Variants in RPS6KC1 observed in about 807,000 individuals in gnomAD.
RPS6KC1 encodes the protein ribosomal protein S6 kinase C1.
RPS6KC1 carries 54 observed loss-of-function variants against 103.8 expected under a neutral mutation model. That is an observed-to-expected ratio of 0.52 (90% CI 0.42 to 0.65). The LOEUF is 0.65. Ranked by LOEUF, RPS6KC1 falls within the 30% of genes least tolerant of loss-of-function variation. The pLI, the probability that RPS6KC1 is intolerant of heterozygous loss-of-function variation, is 0.00. For synonymous variants in RPS6KC1, 439 were observed against 438.7 expected (o/e 1.00, Z -0.01); for missense variants, 1,151 against 1,253.8 (o/e 0.92, Z 1.24).
the RPS6KC1 span, among the ~76,000 whole-genome samples, chr1:213,746,801 T>C: frequency 6.6e-6 from 1 of 151,940 alleles, no homozygotes; most frequent in Admixed American, 6.6e-5. Flanking sequence ...TTGTGATGGG[T>C]TGGTAGTAGG....
At chr1:213,095,781 C>T (rs575399593) in intron 3 of RPS6KC1, among the ~76,000 whole-genome samples, 15 of 152,262 alleles carry the variant, frequency 9.9e-5, no homozygotes, top group East Asian at 5.8e-4. Context: ...TAAAAAAGTA[C>T]GTACCTTAAT....
the RPS6KC1 span, among the ~76,000 whole-genome samples, chr1:213,430,886 A>G: frequency 1.1e-4 from 17 of 152,378 alleles, no homozygotes; most frequent in Middle Eastern, 3.4e-3. Context: ...ATAAGGGATA[A>G]TATTTCAAGA....
the RPS6KC1 span, among the ~76,000 whole-genome samples, chr1:213,490,848 G>A: frequency 1.3e-5 from 2 of 152,144 alleles, no homozygotes; most frequent in East Asian, 1.9e-4. Context: ...GGGGAAGTTC[G>A]CAGAATGGTT....
At chr1:213,148,466 T>A (rs1033145514) in intron 6 of RPS6KC1, among the ~76,000 whole-genome samples, 3 of 152,222 alleles carry the variant, frequency 2.0e-5, no homozygotes, top group Non-Finnish European at 2.9e-5. Context: ...TCTGTTGATA[T>A]GAGGTTTCAC....
At chr1:213,304,205 CAAAA>C in the RPS6KC1 span, among the ~76,000 whole-genome samples, 1 of 70,532 alleles carries the variant, frequency 1.4e-5, no homozygotes. Context: ...GACTCCATCT[CAAAA>C]AAAAAAAAAA....
the RPS6KC1 span, among the ~76,000 whole-genome samples, chr1:213,324,404 C>T: frequency 8.9e-3 from 1,354 of 152,058 alleles, 36 homozygotes; most frequent in Non-Finnish European, 7.2e-3. Context: ...ATTTAAACAT[C>T]CAAGATATAA....
At chr1:213,379,259 C>A in the RPS6KC1 span, among the ~76,000 whole-genome samples, 1 of 152,174 alleles carries the variant, frequency 6.6e-6, no homozygotes, top group African/African-American at 2.4e-5. Flanking sequence ...TTTAATGTGA[C>A]CTTATTTGGA....
the RPS6KC1 span, among the ~76,000 whole-genome samples, chr1:213,334,756 G>A: frequency 6.6e-6 from 1 of 152,198 alleles, no homozygotes; most frequent in Non-Finnish European, 1.5e-5. Context: ...ATATATGGGA[G>A]ATGTATATCT....
the RPS6KC1 span, among the ~76,000 whole-genome samples, chr1:213,422,619 GGAATGA>G: frequency 6.6e-6 from 1 of 152,262 alleles, no homozygotes; most frequent in Non-Finnish European, 1.5e-5. Context: ...AATACATTAA[GGAATGA>G]GTGATTGAGT....
intron 2 of RPS6KC1, among the ~76,000 whole-genome samples, chr1:213,074,873 T>TTTA (rs869212390): frequency 1.4e-5 from 2 of 139,906 alleles, no homozygotes; most frequent in African/African-American, 2.8e-5. Flanking sequence ...TTTTTTTTTT[T>TTTA]ACGGAGTCTC....
the RPS6KC1 span, among the ~76,000 whole-genome samples, chr1:213,438,797 T>TTC: frequency 6.8e-6 from 1 of 147,490 alleles, no homozygotes; most frequent in East Asian, 2.0e-4. Context: ...GGTTTCTTTT[T>TTC]TTTTTTTTTT....
chr1:213,068,141 A>T (rs996776941), intron 1 of RPS6KC1, among the ~76,000 whole-genome samples: 9 of 152,082 alleles, frequency 5.9e-5, no homozygotes, highest in Admixed American at 5.9e-4. Context: ...TGGGGGGTGG[A>T]TTATTAGTGG....
chr1:213,631,378 C>CAAAAA, the RPS6KC1 span, among the ~76,000 whole-genome samples: 2,218 of 136,986 alleles, frequency 0.016, 39 homozygotes, highest in East Asian at 0.024. Flanking sequence ...CTTTCTATGC[C>CAAAAA]AAAAAAAAAA....
chr1:213,328,503 A>AATAT, the RPS6KC1 span, among the ~76,000 whole-genome samples: 830 of 31,694 alleles, frequency 0.026, 14 homozygotes, highest in African/African-American at 0.049. Flanking sequence ...CAGCCATTAT[A>AATAT]CTATATATAT....
At chr1:213,550,559 A>G in the RPS6KC1 span, among the ~76,000 whole-genome samples, 1 of 152,222 alleles carries the variant, frequency 6.6e-6, no homozygotes, top group South Asian at 2.1e-4. Context: ...ATAAGCAATT[A>G]TCTTACCCAA....
At chr1:213,856,616 G>A in the RPS6KC1 span, among the ~76,000 whole-genome samples, 277 of 151,676 alleles carry the variant, frequency 1.8e-3, 1 homozygote, top group African/African-American at 6.5e-3. Flanking sequence ...TATAAACTAC[G>A]TTTTTTGCAT....
the RPS6KC1 span, among the ~76,000 whole-genome samples, chr1:213,321,538 G>A: frequency 6.6e-6 from 1 of 152,186 alleles, no homozygotes; most frequent in Non-Finnish European, 1.5e-5. Flanking sequence ...TGCTCCTGTA[G>A]GGAAAGGCTG....
At chr1:213,815,342 T>A in the RPS6KC1 span, among the ~76,000 whole-genome samples, 1 of 152,194 alleles carries the variant, frequency 6.6e-6, no homozygotes, top group African/African-American at 2.4e-5. Context: ...TTGAGCATAG[T>A]TAATAAACAA....
the RPS6KC1 span, among the ~76,000 whole-genome samples, chr1:213,533,372 G>A: frequency 6.6e-6 from 1 of 152,204 alleles, no homozygotes; most frequent in African/African-American, 2.4e-5. Flanking sequence ...GGAGGTTCTG[G>A]CTTGATGGAA....
Sources: allele counts gnomAD v4.1 joint callset (sites outside exome capture counted in the v4.1 genomes callset), GRCh38; gene constraint gnomAD v4.1.1; transcripts MANE v1.5; gene names NCBI Gene and HGNC (gene_info 2026-07-23, HGNC 2026-07-21).